Variants in AK7 observed in about 807,000 individuals in gnomAD.
The protein encoded by AK7 is ATP-AMP transphosphorylase 7.
Under a neutral mutation model 96.6 loss-of-function variants are expected in AK7, and 78 were observed. The observed-to-expected ratio is 0.81, with a 90% CI of 0.67 to 0.97. AK7 has a LOEUF of 0.97. AK7 is among the 50% of genes least tolerant of loss of function. The pLI, the probability that AK7 is intolerant of heterozygous loss-of-function variation, is 0.00. For synonymous variants in AK7, 302 were observed against 317.2 expected (o/e 0.95, Z 0.51); for missense variants, 855 against 887.9 (o/e 0.96, Z 0.47).
intron 15 of AK7, among the ~76,000 whole-genome samples, chr14:96,481,967 A>C (rs534610439): frequency 6.6e-6 from 1 of 152,266 alleles, no homozygotes; most frequent in Admixed American, 6.5e-5. Context: ...AAGTGCTGAG[A>C]TTACAGGTGT....
chr14:96,407,575 C>CTTTTTTTTTT (rs1288121196), intron 3 of AK7, among the ~76,000 whole-genome samples: 2 of 54,790 alleles, frequency 3.7e-5, no homozygotes, highest in East Asian at 5.1e-4. Context: ...TTCTTTCTTT[C>CTTTTTTTTTT]TTTTCTTTTT....
At chr14:96,450,429 AT>A (rs1481386289) in intron 9 of AK7, among the ~76,000 whole-genome samples, 1 of 141,436 alleles carries the variant, frequency 7.1e-6, no homozygotes, top group African/African-American at 2.6e-5. Context: ...AATAAAAAAA[AT>A]TAAAAAAAAA....
chr14:96,449,109 A>G (rs1246287056), intron 8 of AK7, among the ~76,000 whole-genome samples: 1 of 152,058 alleles, frequency 6.6e-6, no homozygotes, highest in Non-Finnish European at 1.5e-5. Context: ...TTTATAAGAC[A>G]CTAATCTCAT....
intron 5 of AK7, among the ~76,000 whole-genome samples, chr14:96,433,002 C>G (rs1405209518): frequency 1.3e-5 from 2 of 152,148 alleles, no homozygotes; most frequent in Non-Finnish European, 2.9e-5. Flanking sequence ...TTGGCCCCCA[C>G]TCTCTTCTGC....
rs372101025 is a variant in AK7, at chr14:96,487,498, C to T, written c.2133+442C>T. Among the ~76,000 whole-genome samples, 10 of 143,274 alleles carry T rather than the reference C, an allele frequency of 7.0e-5. No individual in the cohort carries two copies. In the South Asian group the frequency reaches 2.3e-3, roughly 33 times the overall value. The allele number at this position is 143,274 out of a possible 152,430, so 94.0% of individuals were successfully genotyped here. ...AGGCTGGAGTGCAGTGGCACGTTCT[C>T]GGCTCACTGCAACCTCCACCTCCCG... is the stretch of plus-strand genomic sequence containing the variant. On this transcript the variant is annotated intron_variant, in intron 17 of 17. Transcript: ENST00000267584.
chr14:96,433,790 G>T (rs1198863069), intron 5 of AK7, among the ~76,000 whole-genome samples: 1 of 151,774 alleles, frequency 6.6e-6, no homozygotes, highest in South Asian at 2.1e-4. Context: ...TTTAATAGGG[G>T]GTTTTCAAGC....
intron 14 of AK7, among the ~76,000 whole-genome samples, chr14:96,474,965 G>A (rs1239203144): frequency 6.6e-6 from 1 of 152,188 alleles, no homozygotes; most frequent in Non-Finnish European, 1.5e-5. Flanking sequence ...TAAATGGTAG[G>A]GGGATTAAAT....
At chr14:96,485,272 C>A (rs1009442908) in intron 16 of AK7, among the ~76,000 whole-genome samples, 1 of 152,104 alleles carries the variant, frequency 6.6e-6, no homozygotes, top group East Asian at 1.9e-4. Flanking sequence ...TCTCATGTTG[C>A]GTATTTTCTT....
intron 7 of AK7, among the ~76,000 whole-genome samples, chr14:96,444,932 G>C (rs913033224): frequency 4.6e-5 from 7 of 152,132 alleles, no homozygotes; most frequent in Admixed American, 4.6e-4. Flanking sequence ...TGGTCAGGCT[G>C]GTCTCGAACT....
rs773191993 is a variant in AK7 at position 96,419,190 on chromosome 14, G to A, written c.499-1632G>A. On this transcript the variant is annotated intron_variant, in intron 4 of 17. Transcript: ENST00000267584. ...GTTTTTAATTCCTCATTCCCAGGAC[G>A]TACTTAATCTTAACCAGTGAAACCA... Among the ~76,000 whole-genome samples the A allele has an allele frequency of 3.5e-4, 53 of 152,098 alleles. 1 individual carries two copies. The highest frequency in any genetic ancestry group is 1.2e-3 in the African/African-American group (49 of 41,398).
chr14:96,486,824 T>G, intron 16 of AK7, 74 bp from the exon 17 acceptor site: 1 of 1,398,548 alleles, frequency 7.2e-7, no homozygotes, highest in Non-Finnish European at 1.0e-6. Context: ...CTCAATGCAC[T>G]GTAGGGTGAA....
At chr14:96,409,636 T>G (rs1890921635) in intron 4 of AK7, among the ~76,000 whole-genome samples, 1 of 152,170 alleles carries the variant, frequency 6.6e-6, no homozygotes, top group South Asian at 2.1e-4. Flanking sequence ...TTCCCTAAAC[T>G]TCCTAATATT....
intron 4 of AK7, among the ~76,000 whole-genome samples, chr14:96,420,436 A>C (rs892853482): frequency 5.3e-5 from 8 of 152,016 alleles, no homozygotes; most frequent in Non-Finnish European, 1.2e-4. Flanking sequence ...TGGAGGTTGC[A>C]GTGAGCCAGG....
At chr14:96,426,351 T>C (rs1228907716) in intron 5 of AK7, among the ~76,000 whole-genome samples, 1 of 152,202 alleles carries the variant, frequency 6.6e-6, no homozygotes, top group South Asian at 2.1e-4. Context: ...TTGATGTTTC[T>C]ATTTATATCT....
chr14:96,420,818 A>G lies in AK7; in HGVS notation c.499-4A>G. On this transcript the variant is annotated splice_polypyrimidine_tract_variant and splice_region_variant and intron_variant, in intron 4 of 17. Coordinates refer to ENST00000267584, the MANE Select transcript of AK7 (RefSeq NM_152327.5). ...CTGTACCTTTTCTTTCTTTCTTATA[A>G]TAGGAGGATTCTGAGGTTCCATTCA... 1.3e-6 allele frequency: 2 copies of G among 1,599,160 alleles called. No homozygotes were observed. Among genetic ancestry groups the G allele is most frequent in the South Asian group, 1.1e-5 (1 of 90,322 alleles).
At chr14:96,442,346 C>A (rs992398917) in intron 6 of AK7, among the ~76,000 whole-genome samples, 2 of 152,202 alleles carry the variant, frequency 1.3e-5, no homozygotes, top group African/African-American at 2.4e-5. Flanking sequence ...AGAATTAAGA[C>A]ATCATGCATG....
chr14:96,443,779 A>ACTTT (rs1566787949), intron 7 of AK7, among the ~76,000 whole-genome samples: 1 of 33,256 alleles, frequency 3.0e-5, no homozygotes, highest in Non-Finnish European at 5.2e-5. Context: ...AAAAACTCAT[A>ACTTT]ATTTTTTTTT....
chr14:96,437,517 A>C (rs117167540), intron 5 of AK7, among the ~76,000 whole-genome samples: 3 of 152,104 alleles, frequency 2.0e-5, no homozygotes, highest in Non-Finnish European at 4.4e-5. Context: ...ATCCTCGTGG[A>C]AAGACCTGTT....
At chr14:96,444,021 C>T (rs1348466183) in intron 7 of AK7, among the ~76,000 whole-genome samples, 3 of 152,028 alleles carry the variant, frequency 2.0e-5, no homozygotes, top group African/African-American at 4.8e-5. Flanking sequence ...ATGATCCACC[C>T]GCCTCAGCCT....
Sources: allele counts gnomAD v4.1 joint callset (sites outside exome capture counted in the v4.1 genomes callset), GRCh38; gene constraint gnomAD v4.1.1; transcripts MANE v1.5; gene names NCBI Gene and HGNC (gene_info 2026-07-23, HGNC 2026-07-21).